The following SUPT6H variants were observed in gnomAD, a reference collection of about 807,000 sequenced individuals.
The protein encoded by SUPT6H is SPT6 homolog, histone chaperone and transcription elongation factor.
Under a neutral mutation model 222.3 loss-of-function variants are expected in SUPT6H, and 11 were observed. The ratio of observed to expected loss-of-function variants is 0.05; its 90% confidence interval spans 0.03 to 0.08. The LOEUF is 0.08. Among genes scored for constraint, SUPT6H ranks in the 10% least tolerant of loss-of-function variants. SUPT6H has a pLI of 1.00. For missense variants in SUPT6H, 1,422 were observed against 2,216.0 expected (o/e 0.64, Z 7.19); for synonymous variants, 762 against 801.2 (o/e 0.95, Z 0.83).
At position 28,683,260 on chromosome 17, in the gene SUPT6H, G is replaced by A. The variant is rs1267153715; in HGVS notation, c.1879-8G>A. On this transcript the variant is annotated splice_region_variant and splice_polypyrimidine_tract_variant and intron_variant, in intron 15 of 36. Transcript: ENST00000314616. ...CGCAGGCTCATGATTCCCCCTTCATGTGTGCAGGATGTGGATGAGGCCCAC... is the reference window on the plus strand; with the variant it reads ...CGCAGGCTCATGATTCCCCCTTCATATGTGCAGGATGTGGATGAGGCCCAC... 1 of 1,613,608 alleles carries A rather than the reference G, an allele frequency of 6.2e-7. No homozygotes were observed. The highest frequency in any genetic ancestry group is 1.1e-5 in the South Asian group (1 of 91,048).
intron 23 of SUPT6H, 77 bp downstream of exon 23, chr17:28,687,548 T>C: frequency 1.4e-6 from 2 of 1,475,804 alleles, no homozygotes; most frequent in Non-Finnish European, 9.1e-7. Flanking sequence ...TCAGTATAAT[T>C]TGACAGATTG....
chr17:28,679,544 GT>G (rs1010832269), intron 11 of SUPT6H, among the ~76,000 whole-genome samples: 1 of 150,684 alleles, frequency 6.6e-6, no homozygotes, highest in Non-Finnish European at 1.5e-5. Context: ...GCAAGATCCG[GT>G]TTTTTTTTGT....
intron 6 of SUPT6H, among the ~76,000 whole-genome samples, chr17:28,675,739 G>A (rs978251781): frequency 3.9e-5 from 6 of 152,284 alleles, no homozygotes; most frequent in Admixed American, 3.3e-4. Flanking sequence ...TTCCTCTTCC[G>A]CCTACAGCTC....
chr17:28,684,853 T>G lies in SUPT6H; in HGVS notation c.2379T>G (p.Pro793=). 1.2e-6 allele frequency: 2 copies of G among 1,614,206 alleles called. No individual in the cohort carries two copies. Among genetic ancestry groups the G allele is most frequent in the Non-Finnish European group, 1.7e-6 (2 of 1,180,026 alleles). Residue 793 remains proline (P), a synonymous_variant, in exon 19 of 37, where the codon CCT becomes CCG. Transcript: ENST00000314616. Reference sequence around the variant, plus strand: ...TCTGTCTGTCTGGCAGAGATCACCCTGTGTTCTGCGCCCTGGTCAATGGTG... The same window carrying G: ...TCTGTCTGTCTGGCAGAGATCACCCGGTGTTCTGCGCCCTGGTCAATGGTG... ...GIAFSSARDH[P]VFCALVNGEG... is the part of the protein sequence containing the mutation.
Position 28,675,367 on chromosome 17 carries a change from A to G in SUPT6H, c.539-34A>G, listed in dbSNP as rs750670726. 105 of 1,606,792 alleles carry G rather than the reference A, an allele frequency of 6.5e-5. 1 individual carries two copies. In the South Asian group the frequency reaches 1.1e-3, roughly 17 times the overall value. The stretch of plus-strand genomic sequence containing the variant: ...CAATTTAGTCCTGGCTCAGCCCCTG[A>G]CTCTGAGCCCCAACCCATCCTTTTC... On this transcript the variant is annotated intron_variant, in intron 5 of 36. Transcript: ENST00000314616.
Position 28,686,244 on chromosome 17 carries a change from T to A in SUPT6H, c.2488-95T>A, listed in dbSNP as rs998379176. 8.8e-6 allele frequency: 10 copies of A among 1,142,488 alleles called. No individual in the cohort carries two copies. The African/African-American group carries it at 1.4e-4, about 16-fold the overall frequency. 70.8% of individuals were successfully genotyped at this position (1,142,488 alleles called of 1,614,324 possible). ...TTGGACCAGATATCTTCTGAAGACT[T>A]CCAGTTCTTACAAGATCTCCAACAT... On this transcript the variant is annotated intron_variant, in intron 19 of 36. Transcript: ENST00000314616.
intron 32 of SUPT6H, 105 bp downstream of exon 32, chr17:28,698,135 T>C (rs899228400): frequency 7.0e-7 from 1 of 1,421,042 alleles, no homozygotes; most frequent in African/African-American, 1.4e-5. Context: ...TGGACTGCCT[T>C]TCTCCTCTCA....
chr17:28,678,681 C>T (rs2030904355), intron 10 of SUPT6H, 47 bp downstream of exon 10: 1 of 1,610,360 alleles, frequency 6.2e-7, no homozygotes, highest in Non-Finnish European at 8.5e-7. Context: ...AGGGAAGGCA[C>T]CATTACTACC....
intron 6 of SUPT6H, 121 bp from the exon 7 acceptor site, chr17:28,676,036 T>C: frequency 2.6e-6 from 3 of 1,172,316 alleles, no homozygotes; most frequent in Non-Finnish European, 3.5e-6. Context: ...ATATGGTTAT[T>C]TTGTTTACCT....
At chr17:28,663,855 G>A (rs1415959113) in intron 1 of SUPT6H, among the ~76,000 whole-genome samples, 1 of 1,610 alleles carries the variant, frequency 6.2e-4, no homozygotes, top group Non-Finnish European at 3.7e-3. Flanking sequence ...TGTGGAGACA[G>A]GGTCTTGCTC....
chr17:28,672,594 A>C (rs546651211), intron 1 of SUPT6H: 1 of 152,044 alleles, frequency 6.6e-6, no homozygotes, highest in African/African-American at 2.4e-5. Context: ...TTGTATTTTT[A>C]GTAGAGACGG....
In SUPT6H at chr17:28,683,872, G is replaced by T. The variant is rs1334930004; in HGVS notation, c.2229+56G>T. The stretch of plus-strand genomic sequence containing the variant: ...TTTTTTGGTGACAGAGTCTTGCTCT[G>T]TTGCCCAGGCTGGAGTGCAGTGGCG... On this transcript the variant is annotated intron_variant, in intron 17 of 36. Transcript: ENST00000314616. 7 of 1,489,102 alleles carry T rather than the reference G, an allele frequency of 4.7e-6. No homozygotes were observed. The African/African-American group carries it at 8.6e-5, about 18-fold the overall frequency. The allele number at this position is 1,489,102 out of a possible 1,614,324, so 92.2% of individuals were successfully genotyped here.
chr17:28,665,543 A>G (rs2029961137), intron 1 of SUPT6H, among the ~76,000 whole-genome samples: 1 of 152,270 alleles, frequency 6.6e-6, no homozygotes, highest in Middle Eastern at 3.4e-3. Context: ...GGATCACCTG[A>G]GGTCAGGAGC....
At chr17:28,667,473 A>ATATATGTGTGTG (rs2030143187) in intron 1 of SUPT6H, among the ~76,000 whole-genome samples, 1 of 136,230 alleles carries the variant, frequency 7.3e-6, no homozygotes, top group African/African-American at 2.7e-5. Flanking sequence ...GTATATGTGT[A>ATATATGTGTGTG]TATATGTGTG....
In SUPT6H at chr17:28,674,383, T is replaced by G; in HGVS notation, c.210T>G (p.Asp70Glu). The G allele has an allele frequency of 6.2e-7, 1 of 1,613,802 alleles. No homozygotes were observed. Among genetic ancestry groups the G allele is most frequent in the East Asian group, 2.2e-5 (1 of 44,882 alleles). Reference protein sequence around the residue: ...DDDDEDEGEEDEGSDSGDSED... With the variant: ...DDDDEDEGEEEEGSDSGDSED... ...ATGATGAAGATGAAGGGGAGGAGGATGAGGGCAGTGACTCTGGTGATTCAG... is the reference window on the plus strand; with the variant it reads ...ATGATGAAGATGAAGGGGAGGAGGAGGAGGGCAGTGACTCTGGTGATTCAG... The change falls in exon 3 of 37, where the codon GAT becomes GAG. Residue 70 changes from aspartate to glutamate, a missense_variant. This residue lies in a region of SUPT6H where 89 missense variants were observed against 118.9 expected (regional missense o/e 0.75). Transcript: ENST00000314616.
rs1239244899 is a variant in SUPT6H at position 28,697,160 on chromosome 17, A to G, written c.4209+78A>G. The G allele has an allele frequency of 4.8e-6, 6 of 1,243,164 alleles. No homozygotes were observed. In the South Asian group the frequency reaches 6.2e-5, roughly 13 times the overall value. The allele number at this position is 1,243,164 out of a possible 1,614,324, so 77.0% of individuals were successfully genotyped here. A position where few individuals can be genotyped will look rare whatever the true frequency, so the allele number is the denominator to read the frequency against. On this transcript the variant is annotated intron_variant, in intron 30 of 36. Transcript: ENST00000314616. ...GCCCTTCAGGGTGCTTTCACCTGAC[A>G]TTAGTAACTCGGGTCATAGGTATTT...
At chr17:28,686,497 C>T in intron 20 of SUPT6H, 82 bp downstream of exon 20, 1 of 1,551,016 alleles carries the variant, frequency 6.4e-7, no homozygotes, top group Non-Finnish European at 8.8e-7. Flanking sequence ...ATGCCCATAA[C>T]AGATGGGGCT....
rs2031950348 is a variant in SUPT6H at position 28,696,962 on chromosome 17, C to T, written c.4089C>T (p.Gly1363=). ...GDVIIRPSSK[G]ENHLTVTWKV... is the part of the protein sequence containing the mutation. The stretch of plus-strand genomic sequence containing the variant: ...TGATTATCCGACCAAGCAGCAAGGG[C>T]GAGAACCACCTGACAGTGACCTGGA... The change falls in exon 30 of 37, where the codon GGC becomes GGT. Residue 1363 remains glycine, a synonymous_variant. Transcript: ENST00000314616. 4.3e-6 allele frequency: 7 copies of T among 1,613,966 alleles called. No homozygotes were observed. Among genetic ancestry groups the T allele is most frequent in the Non-Finnish European group, 4.2e-6 (5 of 1,180,018 alleles).
intron 7 of SUPT6H, among the ~76,000 whole-genome samples, chr17:28,677,356 C>T (rs564685966): frequency 1.3e-4 from 19 of 151,812 alleles, no homozygotes; most frequent in Admixed American, 3.3e-4. Flanking sequence ...GCACTCCAGC[C>T]TGGGCAACAG....
Sources: gnomAD v4.1 joint callset for allele counts (sites outside exome capture counted in the v4.1 genomes callset) on GRCh38, gnomAD v4.1.1 for gene constraint, gnomAD v4.1.1 regional missense constraint, MANE v1.5 for transcripts, NCBI Gene and HGNC (gene_info 2026-07-23, HGNC 2026-07-21) for gene names.